Variants in ITFG1 observed in about 807,000 individuals in gnomAD.
The protein encoded by ITFG1 is integrin alpha FG-GAP repeat containing 1, also known as T-cell immunomodulatory protein.
In ITFG1, 34 loss-of-function variants were observed where a neutral mutation model predicts 81.8. The observed-to-expected ratio is 0.42, with a 90% CI of 0.32 to 0.55. The LOEUF (loss-of-function observed/expected upper bound fraction) is 0.55, where lower values mean the gene tolerates loss of function less well. ITFG1 is among the 20% of genes least tolerant of loss of function. The pLI, the probability that ITFG1 is intolerant of heterozygous loss-of-function variation, is 0.17. For synonymous variants in ITFG1, 285 were observed against 270.6 expected (o/e 1.05, Z -0.52); for missense variants, 672 against 755.4 (o/e 0.89, Z 1.29).
rs187568801 is a variant in ITFG1 at position 47,251,545 on chromosome 16, G to A, written c.1330+7087C>T. Among the ~76,000 whole-genome samples the A allele has an allele frequency of 4.0e-3, 600 of 150,378 alleles. 7 individuals are homozygous for A. Among genetic ancestry groups the A allele is most frequent in the Non-Finnish European group, 6.5e-3 (440 of 67,806 alleles). On this transcript the variant is annotated intron_variant, in intron 12 of 17. Coordinates refer to ENST00000320640, the MANE Select transcript of ITFG1 (RefSeq NM_030790.5). ...CAGCTTAAGAGAAGGAAGACTAACA[G>A]GAATAATCATATAAATGGCCCCCAC...
intron 8 of ITFG1, among the ~76,000 whole-genome samples, chr16:47,361,152 A>G (rs527356672): frequency 2.0e-5 from 3 of 152,190 alleles, no homozygotes; most frequent in Non-Finnish European, 4.4e-5. Flanking sequence ...CATCATGCCC[A>G]GTATTCTCCC....
At chr16:47,227,196 G>A (rs916485592) in intron 13 of ITFG1, among the ~76,000 whole-genome samples, 62 of 152,190 alleles carry the variant, frequency 4.1e-4, no homozygotes, top group African/African-American at 1.5e-3. Flanking sequence ...CCATATGAAT[G>A]TTTACTACAA....
chr16:47,184,808 G>T (rs1337062941), intron 14 of ITFG1, among the ~76,000 whole-genome samples: 2 of 152,036 alleles, frequency 1.3e-5, no homozygotes, highest in Non-Finnish European at 2.9e-5. Flanking sequence ...TGGACTAAAT[G>T]CTCCAATTAA....
chr16:47,421,879 C>G (rs181171973), intron 6 of ITFG1, among the ~76,000 whole-genome samples: 3 of 152,120 alleles, frequency 2.0e-5, no homozygotes, highest in Non-Finnish European at 4.4e-5. Context: ...CGCCCCCTGT[C>G]CATGTGTTCT....
chr16:47,158,580 T>C (rs918734332), intron 17 of ITFG1, among the ~76,000 whole-genome samples: 7 of 152,218 alleles, frequency 4.6e-5, no homozygotes, highest in African/African-American at 1.7e-4. Flanking sequence ...CATTATGAAA[T>C]TGTTTCTAAA....
chr16:47,199,570 A>G (rs1965399731), intron 14 of ITFG1, among the ~76,000 whole-genome samples: 1 of 152,202 alleles, frequency 6.6e-6, no homozygotes, highest in South Asian at 2.1e-4. Flanking sequence ...AACATGCTGT[A>G]CAGGTTTGTA....
intron 14 of ITFG1, among the ~76,000 whole-genome samples, chr16:47,209,399 C>A (rs1965538712): frequency 6.6e-6 from 1 of 152,084 alleles, no homozygotes; most frequent in African/African-American, 2.4e-5. Flanking sequence ...GAACCTTATA[C>A]AAATATACAA....
At chr16:47,419,894 C>T (rs1361393335) in intron 6 of ITFG1, among the ~76,000 whole-genome samples, 11 of 151,942 alleles carry the variant, frequency 7.2e-5, no homozygotes, top group East Asian at 1.9e-4. Context: ...TGAGCCACGA[C>T]GCCCGCCCTA....
At chr16:47,370,829 A>T (rs1968243880) in intron 7 of ITFG1, among the ~76,000 whole-genome samples, 1 of 152,210 alleles carries the variant, frequency 6.6e-6, no homozygotes, top group South Asian at 2.1e-4. Context: ...AAACTTGAGC[A>T]GAGGCCCCAC....
At chr16:47,231,429 A>G (rs1965815595) in intron 13 of ITFG1, among the ~76,000 whole-genome samples, 1 of 152,248 alleles carries the variant, frequency 6.6e-6, no homozygotes, top group South Asian at 2.1e-4. Flanking sequence ...AAACAGGAAT[A>G]TAAATACTCT....
Position 47,417,726 on chromosome 16 carries a change from G to A in ITFG1, c.655+11078C>T, listed in dbSNP as rs12102659. On this transcript the variant is annotated intron_variant, in intron 6 of 17. Transcript: ENST00000320640. ...TAACAGGCTTTCATTCTTTTTTTAT[G>A]GCAGAATATGATTCCATTGTGTATA... 5.1e-3 allele frequency among the ~76,000 whole-genome samples: 769 copies of A among 151,994 alleles called. 8 individuals carry two copies. Among genetic ancestry groups the A allele is most frequent in the African/African-American group, 0.018 (726 of 41,458 alleles).
At chr16:47,283,244 G>T (rs1354953022) in intron 10 of ITFG1, among the ~76,000 whole-genome samples, 2 of 152,072 alleles carry the variant, frequency 1.3e-5, no homozygotes, top group African/African-American at 4.8e-5. Context: ...AATCCACCTT[G>T]AGTTAATTTT....
At chr16:47,366,801 T>G (rs1383710870) in intron 7 of ITFG1, among the ~76,000 whole-genome samples, 3 of 152,196 alleles carry the variant, frequency 2.0e-5, no homozygotes, top group African/African-American at 7.2e-5. Context: ...CTAAGGATAC[T>G]GTAGATCTGT....
intron 6 of ITFG1, among the ~76,000 whole-genome samples, chr16:47,408,906 C>T (rs964868085): frequency 6.6e-6 from 1 of 151,890 alleles, no homozygotes; most frequent in African/African-American, 2.4e-5. Context: ...TGATTTTTAC[C>T]ATATTAAAAA....
At chr16:47,164,731 GC>G (rs1964865221) in intron 14 of ITFG1, among the ~76,000 whole-genome samples, 1 of 152,240 alleles carries the variant, frequency 6.6e-6, no homozygotes, top group Admixed American at 6.5e-5. Flanking sequence ...TAGCCAAGAT[GC>G]TGAGAATGAA....
In ITFG1 at chr16:47,231,070, C is replaced by T. The variant is rs528617271; in HGVS notation, c.1374+6895G>A. ...GCCCAAATGACAAATTATTAAGCAC[C>T]AGCCCCTCTGTTAGGTTCCAGGACA... On this transcript the variant is annotated intron_variant, in intron 13 of 17. Coordinates refer to ENST00000320640, the MANE Select transcript of ITFG1 (RefSeq NM_030790.5). Among the ~76,000 whole-genome samples the T allele has an allele frequency of 5.9e-5, 9 of 152,294 alleles. No homozygotes were observed. The East Asian group carries it at 1.5e-3, about 26-fold the overall frequency.
intron 14 of ITFG1, among the ~76,000 whole-genome samples, chr16:47,174,321 A>T (rs1964996188): frequency 6.6e-6 from 1 of 152,160 alleles, no homozygotes; most frequent in South Asian, 2.1e-4. Flanking sequence ...AGAATACTCT[A>T]GCTCTGACAT....
rs1052652525 is a variant in ITFG1 at position 47,439,467 on chromosome 16, T to G, written c.561-10569A>C. ...CGGGTAACCCACAAAGGGAAGGCCATCAGACTAACAGCTGATCTCTCGGCA... is the reference window on the plus strand; with the variant it reads ...CGGGTAACCCACAAAGGGAAGGCCAGCAGACTAACAGCTGATCTCTCGGCA... On this transcript the variant is annotated intron_variant, in intron 5 of 17. Coordinates refer to ENST00000320640, the MANE Select transcript of ITFG1 (RefSeq NM_030790.5). Among the ~76,000 whole-genome samples, 4 of 152,196 alleles carry G rather than the reference T, an allele frequency of 2.6e-5. No individual in the cohort carries two copies. In the East Asian group the frequency reaches 7.7e-4, roughly 29 times the overall value.
chr16:47,227,597 G>C (rs1444979445), intron 13 of ITFG1, among the ~76,000 whole-genome samples: 2 of 152,102 alleles, frequency 1.3e-5, no homozygotes, highest in Admixed American at 6.5e-5. Context: ...GAATACCTCT[G>C]TTTTCTTTAG....
Sources: allele counts gnomAD v4.1 joint callset (sites outside exome capture counted in the v4.1 genomes callset), GRCh38; gene constraint gnomAD v4.1.1; transcripts MANE v1.5; gene names NCBI Gene and HGNC (gene_info 2026-07-23, HGNC 2026-07-21).